The following BPGM variants were observed in gnomAD, a reference collection of about 807,000 sequenced individuals.
The protein encoded by BPGM is bisphosphoglycerate mutase, also known as 2,3-bisphosphoglycerate mutase, erythrocyte.
A neutral mutation model predicts 21.6 loss-of-function variants in BPGM; 15 were observed. That is an observed-to-expected ratio of 0.70 (90% CI 0.47 to 1.07). The LOEUF is 1.07. Among genes scored for constraint, BPGM ranks in the 50% least tolerant of loss-of-function variants. The probability of loss-of-function intolerance (pLI) is 0.00; values close to 1 mark genes in which losing one functional copy is unlikely to be tolerated. For missense variants in BPGM, 273 were observed against 319.0 expected (o/e 0.86, Z 1.10); for synonymous variants, 113 against 116.2 (o/e 0.97, Z 0.18).
intron 1 of BPGM, among the ~76,000 whole-genome samples, chr7:134,655,792 C>T (rs1272446899): frequency 6.6e-6 from 1 of 152,202 alleles, no homozygotes; most frequent in Non-Finnish European, 1.5e-5. Flanking sequence ...GACTTTGGTT[C>T]AGTCAGTACA....
intron 1 of BPGM, among the ~76,000 whole-genome samples, chr7:134,648,289 C>T (rs1795499404): frequency 6.6e-6 from 1 of 151,620 alleles, no homozygotes; most frequent in African/African-American, 2.4e-5. Flanking sequence ...GCATGCGCCC[C>T]CACGCCCAGC....
At chr7:134,652,244 A>G (rs928088588) in intron 1 of BPGM, among the ~76,000 whole-genome samples, 10 of 152,238 alleles carry the variant, frequency 6.6e-5, no homozygotes, top group African/African-American at 2.2e-4. Context: ...TGCTGATGTC[A>G]TTAGTAGATC....
intron 1 of BPGM, among the ~76,000 whole-genome samples, chr7:134,658,890 G>T (rs1025095): frequency 0.64 from 87,554 of 137,794 alleles, 26,822 homozygotes; most frequent in East Asian, 0.9. Context: ...GTGTGTGTGT[G>T]TATTTTTTTT....
At chr7:134,662,946 C>G (rs1437193657) in intron 2 of BPGM, among the ~76,000 whole-genome samples, 1 of 152,220 alleles carries the variant, frequency 6.6e-6, no homozygotes, top group Non-Finnish European at 1.5e-5. Context: ...GTGACACCTT[C>G]TGGATTTCTC....
chr7:134,657,404 C>T (rs1188794876), intron 1 of BPGM, among the ~76,000 whole-genome samples: 3 of 152,124 alleles, frequency 2.0e-5, no homozygotes, highest in Admixed American at 6.5e-5. Context: ...TTTTCTAAGA[C>T]CAGTAGGAAG....
chr7:134,653,811 A>G (rs1213786821), intron 1 of BPGM, among the ~76,000 whole-genome samples: 3 of 152,280 alleles, frequency 2.0e-5, no homozygotes, highest in South Asian at 4.1e-4. Flanking sequence ...CATAACTTCA[A>G]TTTTATGGTG....
intron 2 of BPGM, among the ~76,000 whole-genome samples, chr7:134,677,230 C>T (rs1398505247): frequency 6.6e-6 from 1 of 152,138 alleles, no homozygotes; most frequent in East Asian, 1.9e-4. Flanking sequence ...AAAATGCTGG[C>T]AAAGGAAGAG....
At chr7:134,656,347 A>G (rs927113746) in intron 1 of BPGM, among the ~76,000 whole-genome samples, 8 of 152,216 alleles carry the variant, frequency 5.3e-5, no homozygotes, top group African/African-American at 1.7e-4. Context: ...ACCAGATTCC[A>G]AAGACATACT....
chr7:134,660,442 C>T (rs1474487624), intron 1 of BPGM: 1 of 152,556 alleles, frequency 6.6e-6, no homozygotes, highest in Non-Finnish European at 1.5e-5. Context: ...GAGAGGCGGG[C>T]TGAGCAGCCA....
At chr7:134,678,758 C>A in intron 2 of BPGM, 95 bp from the exon 3 acceptor site, 1 of 1,221,560 alleles carries the variant, frequency 8.2e-7, no homozygotes, top group East Asian at 2.3e-5. Flanking sequence ...TTCAGGCACA[C>A]AGTTAAATGG....
chr7:134,672,480 T>C (rs1235177188), intron 2 of BPGM, among the ~76,000 whole-genome samples: 1 of 152,174 alleles, frequency 6.6e-6, no homozygotes, highest in Non-Finnish European at 1.5e-5. Flanking sequence ...GTTTGGCTGC[T>C]AGGGTCCAGA....
intron 2 of BPGM, among the ~76,000 whole-genome samples, chr7:134,677,156 ATTGTGCTACCCT>A (rs1253739257): frequency 3.9e-5 from 6 of 152,186 alleles, no homozygotes; most frequent in African/African-American, 1.4e-4. Flanking sequence ...AGAGACACTT[ATTGTGCTACCCT>A]TTGTTCATGT....
chr7:134,678,828 G>T (rs1012406858), intron 2 of BPGM, 25 bp from the exon 3 acceptor site: 12 of 1,604,548 alleles, frequency 7.5e-6, no homozygotes, highest in Non-Finnish European at 9.4e-6. Flanking sequence ...TTTAACACCT[G>T]GTCTCTTCCT....
rs1301245458 is a variant in BPGM, at chr7:134,661,939, A to G, written c.432A>G (p.Val144=). 3.7e-6 allele frequency: 6 copies of G among 1,614,146 alleles called. No individual in the cohort carries two copies. The East Asian group carries it at 8.9e-5, about 24-fold the overall frequency. The change falls in exon 2 of 3, where the codon GTA becomes GTG. Residue 144 remains valine (V), a synonymous_variant. Coordinates refer to ENST00000344924, the MANE Select transcript of BPGM (RefSeq NM_001724.5). The surrounding 1 kb of genome is among the most constrained non-coding windows in gnomAD (Gnocchi z 4.6). The part of the protein sequence containing the change: ...QEIYNDRRYK[V]CDVPLDQLPR... The stretch of plus-strand genomic sequence containing the variant: ...TCTACAACGACCGGAGGTATAAAGT[A>G]TGCGATGTGCCCTTGGATCAACTGC...
chr7:134,669,007 C>G (rs1795862232), intron 2 of BPGM, among the ~76,000 whole-genome samples: 1 of 152,116 alleles, frequency 6.6e-6, no homozygotes, highest in African/African-American at 2.4e-5. Context: ...TGTCAAAACT[C>G]ATAGAACTGT....
At chr7:134,664,110 G>T (rs1216997600) in intron 2 of BPGM, among the ~76,000 whole-genome samples, 5 of 152,084 alleles carry the variant, frequency 3.3e-5, no homozygotes, top group African/African-American at 1.2e-4. Context: ...AAAACAATCT[G>T]GCAGTTCCTC....
intron 2 of BPGM, among the ~76,000 whole-genome samples, chr7:134,663,755 TAA>T (rs1198511511): frequency 6.6e-6 from 1 of 152,160 alleles, no homozygotes; most frequent in Non-Finnish European, 1.5e-5. Context: ...GTCCCCCTTT[TAA>T]AAAAGTTTCC....
At chr7:134,668,769 C>G (rs1029813041) in intron 2 of BPGM, among the ~76,000 whole-genome samples, 2 of 152,172 alleles carry the variant, frequency 1.3e-5, no homozygotes, top group African/African-American at 2.4e-5. Context: ...TATTGATACA[C>G]CCATCATCAT....
At chr7:134,664,202 C>T (rs1190600825) in intron 2 of BPGM, among the ~76,000 whole-genome samples, 5 of 152,220 alleles carry the variant, frequency 3.3e-5, no homozygotes, top group African/African-American at 9.6e-5. Context: ...CCAGTGCTGC[C>T]GTAAGAAAAC....
Sources: gnomAD v4.1 joint callset for allele counts (sites outside exome capture counted in the v4.1 genomes callset) on GRCh38, gnomAD v4.1.1 for gene constraint, Gnocchi (gnomAD v3.1) non-coding constraint, MANE v1.5 for transcripts, NCBI Gene and HGNC (gene_info 2026-07-23, HGNC 2026-07-21) for gene names.